The following FGD4 variants were observed in gnomAD, a reference collection of about 807,000 sequenced individuals.
The protein encoded by FGD4 is FYVE, RhoGEF and PH domain containing 4, also known as FYVE, RhoGEF and PH domain-containing protein 4.
In FGD4, 42 loss-of-function variants were observed where a neutral mutation model predicts 102.0. The ratio of observed to expected loss-of-function variants is 0.41; its 90% CI spans 0.32 to 0.53. The LOEUF is 0.53. FGD4 is among the 20% of genes least tolerant of loss of function. The pLI is 0.21. For missense variants in FGD4, 902 were observed against 1,078.2 expected, an observed-to-expected ratio of 0.84 and a Z score of 2.29; for synonymous variants, 380 against 375.7, an observed-to-expected ratio of 1.01 and a Z score of -0.13.
At chr12:32,607,541 A>T (rs1489448737) in intron 7 of FGD4, among the ~76,000 whole-genome samples, 1 of 152,132 alleles carries the variant, frequency 6.6e-6, no homozygotes, top group African/African-American at 2.4e-5. Context: ...TTTGAGACGG[A>T]GTCTCACTCT....
chr12:32,495,337 C>T (rs2136595041), intron 1 of FGD4, among the ~76,000 whole-genome samples: 1 of 152,236 alleles, frequency 6.6e-6, no homozygotes, highest in South Asian at 2.1e-4. Flanking sequence ...CCATATTTCA[C>T]TGGTTATGCT....
chr12:32,578,888 GATTTTCTT>G (rs1180535400), intron 3 of FGD4, among the ~76,000 whole-genome samples: 1 of 151,450 alleles, frequency 6.6e-6, no homozygotes, highest in Non-Finnish European at 1.5e-5. Flanking sequence ...GGAGCAAGTA[GATTTTCTT>G]TAATTTTTAC....
chr12:32,527,750 T>C (rs1366660295), intron 1 of FGD4, among the ~76,000 whole-genome samples: 1 of 152,008 alleles, frequency 6.6e-6, no homozygotes, highest in Non-Finnish European at 1.5e-5. Context: ...TTTAATGTAG[T>C]AAGTCAACCA....
chr12:32,591,442 C>T (rs527577024), intron 4 of FGD4, among the ~76,000 whole-genome samples: 24 of 152,300 alleles, frequency 1.6e-4, no homozygotes, highest in African/African-American at 5.8e-4. Context: ...TTGTCTGATT[C>T]ATTTTAAAAT....
Position 32,614,121 on chromosome 12 carries a change from C to T in FGD4, c.1749+2838C>T, listed in dbSNP as rs142442560. Among the ~76,000 whole-genome samples the T allele has an allele frequency of 1.3e-3, 204 of 152,280 alleles. 1 individual carries two copies. Among genetic ancestry groups the T allele is most frequent in the African/African-American group, 4.6e-3 (189 of 41,538 alleles). On this transcript the variant is annotated intron_variant, in intron 10 of 16. Coordinates refer to ENST00000534526, the MANE Select transcript of FGD4 (RefSeq NM_001370298.3). ...CAGAAGCAGTAGCCAATACCACAGACATCTCATTGGGGTTCATCTTGCACA... is the reference window on the plus strand; with the variant it reads ...CAGAAGCAGTAGCCAATACCACAGATATCTCATTGGGGTTCATCTTGCACA...
chr12:32,599,174 C>T (rs1490528117), intron 5 of FGD4, among the ~76,000 whole-genome samples: 2 of 152,120 alleles, frequency 1.3e-5, no homozygotes, highest in African/African-American at 4.8e-5. Context: ...CAAATATACA[C>T]TTGGAAAGTC....
Position 32,608,101 on chromosome 12 carries a change from TGC to T in FGD4, c.1543+7_1543+8del, listed in dbSNP as rs1472037809. 1 of 1,614,116 alleles carries T rather than the reference TGC, an allele frequency of 6.2e-7. No individual in the cohort carries two copies. The highest frequency in any genetic ancestry group is 2.2e-5 in the East Asian group (1 of 44,868). On this transcript the variant is annotated splice_region_variant and intron_variant, in intron 8 of 16. Transcript: ENST00000534526. ...GGACTGGAATGATGCTAAAAGTAAA[TGC>T]TTTTTTTTTGTTTTCTCCCTATTTT...
intron 5 of FGD4, chr12:32,600,580 CTTTCTTTCTTTCTTT>C (rs1948327942): frequency 6.0e-5 from 16 of 265,778 alleles, no homozygotes; most frequent in South Asian, 2.1e-4. Flanking sequence ...TTCTTTCTTT[CTTTCTTTCTTTCTTT>C]TTTTTTTTTT....
At chr12:32,476,562 G>A (rs1943589321) in intron 1 of FGD4, among the ~76,000 whole-genome samples, 1 of 152,086 alleles carries the variant, frequency 6.6e-6, no homozygotes, top group Non-Finnish European at 1.5e-5. Context: ...TTCTCACAAT[G>A]TGGCAGCTAG....
At chr12:32,444,110 G>A (rs559819155) in intron 1 of FGD4, among the ~76,000 whole-genome samples, 14 of 145,782 alleles carry the variant, frequency 9.6e-5, no homozygotes, top group Admixed American at 5.0e-4. Context: ...CTGCAGTCTC[G>A]ACCTCCCAGG....
chr12:32,399,813 C>A lies in FGD4; in HGVS notation c.20C>A (p.Ser7Tyr). ...GGCAGGATGAGCGACGAGGGCGGCT[C>A]CAACTTCAGGCGGGTGGCGATCCGG... Reference protein sequence around the residue: MSDEGGSNFRRVAIRRK... With the variant: MSDEGGYNFRRVAIRRK... Residue 7 changes from serine (S) to tyrosine (Y), a missense_variant, in exon 1 of 17, where the codon TCC becomes TAC. Ser to Tyr is a moderately radical substitution (Grantham distance 144). Coordinates refer to ENST00000534526, the MANE Select transcript of FGD4 (RefSeq NM_001370298.3). 6.5e-7 allele frequency: 1 copy of A among 1,531,208 alleles called. No homozygotes were observed. Among genetic ancestry groups the A allele is most frequent in the Non-Finnish European group, 8.7e-7 (1 of 1,145,368 alleles). The allele number at this position is 1,531,208 out of a possible 1,614,324, so 94.9% of individuals were successfully genotyped here. A position where few individuals can be genotyped will look rare whatever the true frequency, so the allele number is the denominator to read the frequency against.
chr12:32,436,652 T>C (rs1267285166), intron 1 of FGD4, among the ~76,000 whole-genome samples: 1 of 152,192 alleles, frequency 6.6e-6, no homozygotes, highest in Non-Finnish European at 1.5e-5. Flanking sequence ...CTTTTCCCTT[T>C]AATCCTATCG....
intron 1 of FGD4, among the ~76,000 whole-genome samples, chr12:32,551,699 T>C (rs1943681346): frequency 6.6e-6 from 1 of 152,178 alleles, no homozygotes; most frequent in South Asian, 2.1e-4. Context: ...GTTGCCTAAG[T>C]GTGCATGTGC....
intron 1 of FGD4, among the ~76,000 whole-genome samples, chr12:32,543,514 G>A (rs985575425): frequency 2.0e-5 from 3 of 152,132 alleles, no homozygotes; most frequent in Non-Finnish European, 2.9e-5. Context: ...CTAGGGTTAC[G>A]CCAAGAGTCA....
chr12:32,525,874 C>T (rs7972876), intron 1 of FGD4, among the ~76,000 whole-genome samples: 151,529 of 152,352 alleles, frequency 0.99, 75,363 homozygotes, highest in Middle Eastern at 1. Context: ...ACCGGTGCTG[C>T]GCTCGATTTC....
chr12:32,614,445 T>G (rs1165951779), intron 10 of FGD4, among the ~76,000 whole-genome samples: 1 of 152,090 alleles, frequency 6.6e-6, no homozygotes, highest in Non-Finnish European at 1.5e-5. Flanking sequence ...TTTGGGATGC[T>G]CAAGGCAATA....
intron 1 of FGD4, among the ~76,000 whole-genome samples, chr12:32,449,763 G>A (rs1479019460): frequency 6.6e-6 from 1 of 151,864 alleles, no homozygotes; most frequent in Admixed American, 6.6e-5. Flanking sequence ...TTTGAGACAG[G>A]GTCTGGCTCT....
At chr12:32,592,514 A>G (rs1160720135) in intron 4 of FGD4, among the ~76,000 whole-genome samples, 1 of 152,104 alleles carries the variant, frequency 6.6e-6, no homozygotes, top group Non-Finnish European at 1.5e-5. Flanking sequence ...CTTCATGGTA[A>G]AGCGCTAAGC....
At chr12:32,476,522 G>C (rs1251378818) in intron 1 of FGD4, among the ~76,000 whole-genome samples, 1 of 152,100 alleles carries the variant, frequency 6.6e-6, no homozygotes, top group Non-Finnish European at 1.5e-5. Context: ...CCTCCACGCA[G>C]CCCTTTCTGA....
Sources: allele counts gnomAD v4.1 joint callset (sites outside exome capture counted in the v4.1 genomes callset), GRCh38; gene constraint gnomAD v4.1.1; transcripts MANE v1.5; gene names NCBI Gene and HGNC (gene_info 2026-07-23, HGNC 2026-07-21).